Variants in ACTC1 observed in about 807,000 individuals in gnomAD.
The protein encoded by ACTC1 is actin alpha cardiac muscle 1.
ACTC1 carries 10 observed loss-of-function variants against 31.6 expected under a neutral mutation model. The observed-to-expected ratio is 0.32, with a 90% confidence interval of 0.19 to 0.54. The LOEUF is 0.54. Among genes scored for constraint, ACTC1 ranks in the 20% least tolerant of loss-of-function variants. The pLI, the probability that ACTC1 is intolerant of heterozygous loss-of-function variation, is 0.95. For missense variants in ACTC1, 129 were observed against 506.4 expected, an observed-to-expected ratio of 0.25 and a Z score of 7.15; for synonymous variants, 196 against 185.0, an observed-to-expected ratio of 1.06 and a Z score of -0.48.
In ACTC1 at chr15:34,793,671, T is replaced by C; in HGVS notation, c.130-102A>G. The C allele has an allele frequency of 9.3e-7, 1 of 1,079,296 alleles. No homozygotes were observed. Among genetic ancestry groups the C allele is most frequent in the Non-Finnish European group, 1.4e-6 (1 of 721,100 alleles). The allele number at this position is 1,079,296 out of a possible 1,614,324, so 66.9% of individuals were successfully genotyped here. A position where few individuals can be genotyped will look rare whatever the true frequency, so the allele number is the denominator to read the frequency against. On this transcript the variant is annotated intron_variant, in intron 2 of 6. Coordinates refer to ENST00000290378, the MANE Select transcript of ACTC1 (RefSeq NM_005159.5). The surrounding 1 kb of genome is among the most constrained non-coding windows in gnomAD (Gnocchi z 4.8). Reference sequence around the variant, plus strand: ...AACTGCCCAAGTCAAGGAACATATTTAAATACCAGAAATAACAAGCAATAC... The same window carrying C: ...AACTGCCCAAGTCAAGGAACATATTCAAATACCAGAAATAACAAGCAATAC...
intron 5 of ACTC1, 25 bp from the exon 6 acceptor site, chr15:34,791,320 C>T: frequency 1.3e-6 from 1 of 787,810 alleles, no homozygotes. Context: ...CACACACACA[C>T]ACACACACAC....
At chr15:34,794,650 G>A (rs1333668393) in intron 2 of ACTC1, 30 bp downstream of exon 2, 29 of 1,605,742 alleles carry the variant, frequency 1.8e-5, no homozygotes, top group Non-Finnish European at 2.4e-5. Context: ...GGGGTCCCGA[G>A]TGGGACGGGG....
In ACTC1 at chr15:34,793,173, G is replaced by C; in HGVS notation, c.454+72C>G. The stretch of plus-strand genomic sequence containing the variant: ...GGGATTATCCCTTTTTCAACTGGGG[G>C]ATCTGATTCACAGCAAGGTCGGTGA... On this transcript the variant is annotated intron_variant, in intron 3 of 6. Transcript: ENST00000290378. The surrounding 1 kb of genome is among the most constrained non-coding windows in gnomAD (Gnocchi z 4.8). The C allele has an allele frequency of 6.8e-7, 1 of 1,468,168 alleles. No homozygotes were observed. The highest frequency in any genetic ancestry group is 9.5e-7 in the Non-Finnish European group (1 of 1,053,008). 90.9% of individuals were successfully genotyped at this position (1,468,168 alleles called of 1,614,324 possible).
At position 34,793,127 on chromosome 15, in the gene ACTC1, T is replaced by C; in HGVS notation, c.454+118A>G. 9.4e-7 allele frequency: 1 copy of C among 1,059,432 alleles called. No individual in the cohort carries two copies. 65.6% of individuals were successfully genotyped at this position (1,059,432 alleles called of 1,614,324 possible). A position where few individuals can be genotyped will look rare whatever the true frequency, so the allele number is the denominator to read the frequency against. On this transcript the variant is annotated intron_variant, in intron 3 of 6. Coordinates refer to ENST00000290378, the MANE Select transcript of ACTC1 (RefSeq NM_005159.5). This position sits in a 1 kb window ranked among gnomAD's most constrained non-coding sequence, Gnocchi z 4.8. ...TTAACTCTTTCTCTTAGCACAGACC[T>C]TGCTAGGGAATGGGAGGAAAGGGAT...
chr15:34,791,577 T>C, intron 5 of ACTC1: 1 of 460,790 alleles, frequency 2.2e-6, no homozygotes, highest in Non-Finnish European at 3.9e-6. Flanking sequence ...TATGAAGATG[T>C]ATTGGAAAAG....
At chr15:34,794,586 G>A (rs2069213882) in intron 2 of ACTC1, 94 bp downstream of exon 2, 1 of 1,471,454 alleles carries the variant, frequency 6.8e-7, no homozygotes. Context: ...GGCCTAAAGA[G>A]TTCATCGAAC....
intron 5 of ACTC1, 94 bp downstream of exon 5, chr15:34,791,996 A>G: frequency 2.9e-6 from 4 of 1,387,256 alleles, no homozygotes; most frequent in Non-Finnish European, 4.0e-6. Context: ...ACTTCTTTTA[A>G]CTCAAGGGCT....
chr15:34,791,333 A>T, intron 5 of ACTC1, 38 bp from the exon 6 acceptor site: 4 of 1,579,408 alleles, frequency 2.5e-6, no homozygotes, highest in Non-Finnish European at 3.5e-6. Context: ...ACACACACAC[A>T]CACACACACA....
chr15:34,791,323 A>C (rs1891701030), intron 5 of ACTC1, 28 bp from the exon 6 acceptor site: 1 of 812,968 alleles, frequency 1.2e-6, no homozygotes, highest in South Asian at 2.5e-5. Flanking sequence ...ACACACACAC[A>C]CACACACACA....
At position 34,792,972 on chromosome 15, in the gene ACTC1, C is replaced by A; in HGVS notation, c.454+273G>T. ...TGCCCAGGTGATGTGATGGTTTAAA[C>A]ACATAACAATGACTGCTGCACTCCA... On this transcript the variant is annotated intron_variant, in intron 3 of 6. Transcript: ENST00000290378. This position sits in a 1 kb window ranked among gnomAD's most constrained non-coding sequence, Gnocchi z 5.3. The A allele has an allele frequency of 1.8e-6, 1 of 545,832 alleles. No homozygotes were observed. Among genetic ancestry groups the A allele is most frequent in the Non-Finnish European group, 3.3e-6 (1 of 304,722 alleles). The allele number at this position is 545,832 out of a possible 1,614,324, so 33.8% of individuals were successfully genotyped here.
At position 34,794,640 on chromosome 15, in the gene ACTC1, G is replaced by A. The variant is rs1435698109; in HGVS notation, c.129+40C>T. 9 of 1,600,168 alleles carry A rather than the reference G, an allele frequency of 5.6e-6. No homozygotes were observed. In the Admixed American group the frequency reaches 1.2e-4, roughly 21 times the overall value. On this transcript the variant is annotated intron_variant, in intron 2 of 6. Transcript: ENST00000290378. ...CCATTTCCTAGATCGCTGGACTGAA[G>A]GGGTCCCGAGTGGGACGGGGGGCTC...
At chr15:34,791,067 G>A (rs1234275438) in intron 6 of ACTC1, 47 bp downstream of exon 6, 1 of 1,532,360 alleles carries the variant, frequency 6.5e-7, no homozygotes, top group Non-Finnish European at 8.9e-7. Context: ...GTTCTGCTTA[G>A]AATACCAAGA....
In ACTC1 at chr15:34,792,421, G is replaced by A. The variant is rs2140430845; in HGVS notation, c.603C>T (p.Ser201=). The change falls in exon 4 of 7, where the codon TCC becomes TCT. Residue 201 remains serine, a synonymous_variant. Transcript: ENST00000290378. The surrounding 1 kb of genome is among the most constrained non-coding windows in gnomAD (Gnocchi z 5.3). ...ACACACACTCACCAGTGGTGACAAA[G>A]GAGTAGCCACGCTCAGTGAGGATCT... ...LMKILTERGY[S]FVTTAEREIV... The A allele has an allele frequency of 1.2e-6, 2 of 1,614,226 alleles. No homozygotes were observed. The highest frequency in any genetic ancestry group is 1.7e-6 in the Non-Finnish European group (2 of 1,180,044).
chr15:34,792,320 A>T lies in ACTC1; in HGVS notation c.617-39T>A, dbSNP rs770486092. 1 of 1,614,138 alleles carries T rather than the reference A, an allele frequency of 6.2e-7. No individual in the cohort carries two copies. The highest frequency in any genetic ancestry group is 1.1e-5 in the South Asian group (1 of 91,082). On this transcript the variant is annotated intron_variant, in intron 4 of 6. Coordinates refer to ENST00000290378, the MANE Select transcript of ACTC1 (RefSeq NM_005159.5). The surrounding 1 kb of genome is among the most constrained non-coding windows in gnomAD (Gnocchi z 5.3). ...GAGTATCACAGTCATGCTCTGAAGCAAGAAGTCAATTATAGGGAGGTAGGC... is the reference window on the plus strand; with the variant it reads ...GAGTATCACAGTCATGCTCTGAAGCTAGAAGTCAATTATAGGGAGGTAGGC...
In ACTC1 at chr15:34,793,067, A is replaced by T. The variant is rs1891739699; in HGVS notation, c.454+178T>A. On this transcript the variant is annotated intron_variant, in intron 3 of 6. Transcript: ENST00000290378. The surrounding 1 kb of genome is among the most constrained non-coding windows in gnomAD (Gnocchi z 4.8). ...TCCACAAGCTATCAGCTCCAACAAT[A>T]ATTGTGCTCCGAAACTAACCTCAGG... 1.3e-5 allele frequency among the ~76,000 whole-genome samples: 2 copies of T among 152,116 alleles called. No homozygotes were observed.
In ACTC1 at chr15:34,793,850, TATC is replaced by T. The variant is rs912004167; in HGVS notation, c.130-284_130-282del. 6.6e-6 allele frequency among the ~76,000 whole-genome samples: 1 copy of T among 152,210 alleles called. No homozygotes were observed. Among genetic ancestry groups the T allele is most frequent in the Non-Finnish European group, 1.5e-5 (1 of 68,038 alleles). On this transcript the variant is annotated intron_variant, in intron 2 of 6. Transcript: ENST00000290378. This position sits in a 1 kb window ranked among gnomAD's most constrained non-coding sequence, Gnocchi z 4.8. Reference sequence around the variant, plus strand: ...GCAGAGCCTCACCTCACCTTAAAAATATCATATGCCTTCATTAAGTTATTAAGC... The same window carrying T: ...GCAGAGCCTCACCTCACCTTAAAAATATATGCCTTCATTAAGTTATTAAGC...
rs930562675 is a variant in ACTC1 at position 34,793,928 on chromosome 15, G to A, written c.130-359C>T. On this transcript the variant is annotated intron_variant, in intron 2 of 6. Coordinates refer to ENST00000290378, the MANE Select transcript of ACTC1 (RefSeq NM_005159.5). The surrounding 1 kb of genome is among the most constrained non-coding windows in gnomAD (Gnocchi z 4.8). ...TAGATGACTGCATTTTGGAATGACT[G>A]AATTAATGACACATTGTATTTCTCC... 6.6e-6 allele frequency among the ~76,000 whole-genome samples: 1 copy of A among 152,174 alleles called. No homozygotes were observed. The highest frequency in any genetic ancestry group is 2.4e-5 in the African/African-American group (1 of 41,442).
Position 34,792,965 on chromosome 15 carries a change from G to C in ACTC1, c.454+280C>G. The C allele has an allele frequency of 1.9e-6, 1 of 540,272 alleles. No homozygotes were observed. Among genetic ancestry groups the C allele is most frequent in the Non-Finnish European group, 3.3e-6 (1 of 301,200 alleles). 33.5% of individuals were successfully genotyped at this position (540,272 alleles called of 1,614,324 possible). On this transcript the variant is annotated intron_variant, in intron 3 of 6. Transcript: ENST00000290378. The surrounding 1 kb of genome is among the most constrained non-coding windows in gnomAD (Gnocchi z 5.3). ...GGATGCTTGCCCAGGTGATGTGATG[G>C]TTTAAACACATAACAATGACTGCTG...
chr15:34,792,567 T>C lies in ACTC1; in HGVS notation c.457A>G (p.Ile153Val). 6.2e-7 allele frequency: 1 copy of C among 1,614,084 alleles called. No homozygotes were observed. Among genetic ancestry groups the C allele is most frequent in the Non-Finnish European group, 8.5e-7 (1 of 1,180,010 alleles). Residue 153 changes from isoleucine to valine, a missense_variant and splice_region_variant, in exon 4 of 7, where the codon ATT becomes GTT. Coordinates refer to ENST00000290378, the MANE Select transcript of ACTC1 (RefSeq NM_005159.5). The surrounding 1 kb of genome is among the most constrained non-coding windows in gnomAD (Gnocchi z 5.3). ...SLYASGRTTG[I>V]VLDSGDGVTH... is the part of the protein sequence containing the mutation. ...ACACCATCCCCAGAGTCCAGAACAATGCCTGCCCGGGGAAGTAGACAAGAA... is the reference window on the plus strand; with the variant it reads ...ACACCATCCCCAGAGTCCAGAACAACGCCTGCCCGGGGAAGTAGACAAGAA...
Sources: allele counts gnomAD v4.1 joint callset (sites outside exome capture counted in the v4.1 genomes callset), GRCh38; gene constraint gnomAD v4.1.1; non-coding constraint Gnocchi (gnomAD v3.1); transcripts MANE v1.5; gene names NCBI Gene and HGNC (gene_info 2026-07-23, HGNC 2026-07-21).